The following KCNQ5 variants were observed in gnomAD, a reference collection of about 807,000 sequenced individuals.
The protein encoded by KCNQ5 is potassium voltage-gated channel subfamily KQT member 5.
Under a neutral mutation model 98.2 loss-of-function variants are expected in KCNQ5, and 30 were observed. That is an observed-to-expected ratio of 0.31 (90% confidence interval 0.23 to 0.41). The LOEUF is 0.41. Among genes scored for constraint, KCNQ5 ranks in the 10% least tolerant of loss-of-function variants. The probability of loss-of-function intolerance (pLI) is 1.00; values close to 1 mark genes in which losing one functional copy is unlikely to be tolerated. For synonymous variants in KCNQ5, 458 were observed against 449.4 expected (o/e 1.02, Z -0.24); for missense variants, 835 against 1,182.5 (o/e 0.71, Z 4.31).
chr6:73,165,773 C>T (rs187176214), intron 10 of KCNQ5, among the ~76,000 whole-genome samples: 65 of 151,860 alleles, frequency 4.3e-4, no homozygotes, highest in Non-Finnish European at 8.1e-4. Flanking sequence ...GGTGAAACCC[C>T]GTCTCTACTA....
intron 1 of KCNQ5, among the ~76,000 whole-genome samples, chr6:72,650,664 G>A (rs1765829836): frequency 6.6e-6 from 1 of 152,086 alleles, no homozygotes; most frequent in South Asian, 2.1e-4. Flanking sequence ...TAGGATATAT[G>A]TATATGGAAG....
At chr6:73,011,111 A>G (rs1192879784) in intron 2 of KCNQ5, among the ~76,000 whole-genome samples, 2 of 152,118 alleles carry the variant, frequency 1.3e-5, no homozygotes, top group Non-Finnish European at 2.9e-5. Context: ...TTTTTATTTT[A>G]AAACTTACTA....
intron 10 of KCNQ5, among the ~76,000 whole-genome samples, chr6:73,145,193 T>C (rs950843682): frequency 3.3e-5 from 5 of 152,214 alleles, no homozygotes; most frequent in Admixed American, 2.6e-4. Flanking sequence ...TAGCACCTCA[T>C]GTATCGAGGC....
At chr6:72,785,843 CAG>C (rs1773711707) in intron 1 of KCNQ5, among the ~76,000 whole-genome samples, 2 of 152,098 alleles carry the variant, frequency 1.3e-5, no homozygotes, top group Admixed American at 1.3e-4. Flanking sequence ...GCACACATCA[CAG>C]AGTTACATCC....
chr6:72,877,523 C>T (rs1778461668), intron 1 of KCNQ5, among the ~76,000 whole-genome samples: 1 of 152,142 alleles, frequency 6.6e-6, no homozygotes, highest in African/African-American at 2.4e-5. Context: ...CTGCAATAAA[C>T]ATACATGTGC....
chr6:73,085,080 G>T lies in KCNQ5; in HGVS notation c.918+7193G>T, dbSNP rs372066869. Among the ~76,000 whole-genome samples, 12 of 152,294 alleles carry T rather than the reference G, an allele frequency of 7.9e-5. No homozygotes were observed. The East Asian group carries it at 2.3e-3, about 29-fold the overall frequency. Reference sequence around the variant, plus strand: ...AAGGGCAGCTTGACCTGAAAGTCCAGAAAAATCAATGAATATCTATGCAGC... The same window carrying T: ...AAGGGCAGCTTGACCTGAAAGTCCATAAAAATCAATGAATATCTATGCAGC... On this transcript the variant is annotated intron_variant, in intron 5 of 13. Transcript: ENST00000370398.
chr6:72,761,642 T>C (rs1483945122), intron 1 of KCNQ5, among the ~76,000 whole-genome samples: 1 of 151,952 alleles, frequency 6.6e-6, no homozygotes, highest in Non-Finnish European at 1.5e-5. Flanking sequence ...AAATATTCTT[T>C]ATATGTCATT....
At chr6:72,880,541 C>T (rs1451836295) in intron 1 of KCNQ5, among the ~76,000 whole-genome samples, 1 of 152,156 alleles carries the variant, frequency 6.6e-6, no homozygotes, top group African/African-American at 2.4e-5. Flanking sequence ...ACTTGCTATC[C>T]ATGCACTTGT....
chr6:73,186,865 A>G (rs188873823), intron 11 of KCNQ5, among the ~76,000 whole-genome samples: 1 of 152,166 alleles, frequency 6.6e-6, no homozygotes, highest in African/African-American at 2.4e-5. Context: ...ATAGGTATAC[A>G]TGTGCCGTGT....
In KCNQ5 at chr6:72,710,085, A is replaced by G. The variant is rs529929250; in HGVS notation, c.398+87498A>G. ...TGGTAACAGATAAGGTCAGTGAGAT[A>G]GGAAAAGGCCTGGTCTTCTACATGG... On this transcript the variant is annotated intron_variant, in intron 1 of 13. Transcript: ENST00000370398. Among the ~76,000 whole-genome samples, 5 of 152,290 alleles carry G rather than the reference A, an allele frequency of 3.3e-5. No homozygotes were observed. The South Asian group carries it at 1.0e-3, about 32-fold the overall frequency.
intron 1 of KCNQ5, among the ~76,000 whole-genome samples, chr6:72,821,780 T>C (rs1775763231): frequency 6.6e-6 from 1 of 152,162 alleles, no homozygotes; most frequent in Non-Finnish European, 1.5e-5. Context: ...TTGCATTTCT[T>C]GGGGCCTGGG....
At chr6:73,142,736 T>G (rs1232532977) in intron 10 of KCNQ5, among the ~76,000 whole-genome samples, 1 of 151,952 alleles carries the variant, frequency 6.6e-6, no homozygotes, top group Non-Finnish European at 1.5e-5. Flanking sequence ...GTCAACATGG[T>G]GAAACCCTGT....
intron 11 of KCNQ5, among the ~76,000 whole-genome samples, chr6:73,172,418 C>A (rs1778046366): frequency 6.6e-6 from 1 of 152,068 alleles, no homozygotes; most frequent in African/African-American, 2.4e-5. Context: ...TCTGTAAAAA[C>A]CTAATAGATA....
chr6:72,987,588 C>A, intron 1 of KCNQ5: 1 of 619,644 alleles, frequency 1.6e-6, no homozygotes. Flanking sequence ...AGAAGGCGGC[C>A]GACAGCCTGC....
intron 1 of KCNQ5, among the ~76,000 whole-genome samples, chr6:72,637,709 A>G (rs574416751): frequency 2.6e-5 from 4 of 152,200 alleles, no homozygotes; most frequent in Non-Finnish European, 4.4e-5. Context: ...ATAAAATTCT[A>G]TAGTTCTGTT....
Position 72,795,225 on chromosome 6 carries a change from T to C in KCNQ5, c.398+172638T>C, listed in dbSNP as rs1165639464. Among the ~76,000 whole-genome samples, 4 of 152,178 alleles carry C rather than the reference T, an allele frequency of 2.6e-5. No homozygotes were observed. The East Asian group carries it at 7.7e-4, about 29-fold the overall frequency. ...TCACATGCCAATGAAGCAAATACTG[T>C]GGGCTGGGGCATGAATTATGCTGAT... On this transcript the variant is annotated intron_variant, in intron 1 of 13. Coordinates refer to ENST00000370398, the MANE Select transcript of KCNQ5 (RefSeq NM_019842.4).
At chr6:72,920,804 C>T (rs1300520936) in intron 1 of KCNQ5, among the ~76,000 whole-genome samples, 2 of 152,142 alleles carry the variant, frequency 1.3e-5, no homozygotes, top group Non-Finnish European at 2.9e-5. Flanking sequence ...GATCAACCAT[C>T]TTCTTTAACT....
intron 2 of KCNQ5, among the ~76,000 whole-genome samples, chr6:73,013,754 C>A (rs1313495751): frequency 3.9e-5 from 6 of 152,068 alleles, no homozygotes; most frequent in African/African-American, 1.4e-4. Context: ...TCAAGGCTGA[C>A]AAGTCTACCA....
intron 2 of KCNQ5, among the ~76,000 whole-genome samples, chr6:73,039,401 G>A (rs1771588607): frequency 6.6e-6 from 1 of 151,736 alleles, no homozygotes; most frequent in Admixed American, 6.6e-5. Context: ...ATTTCTTGAG[G>A]TAGGTACTCA....
Sources: gnomAD v4.1 joint callset for allele counts (sites outside exome capture counted in the v4.1 genomes callset) on GRCh38, gnomAD v4.1.1 for gene constraint, MANE v1.5 for transcripts, NCBI Gene and HGNC (gene_info 2026-07-23, HGNC 2026-07-21) for gene names.